The following SPIRE2 variants were observed in gnomAD, a reference collection of about 807,000 sequenced individuals.
SPIRE2 encodes spire type actin nucleation factor 2.
SPIRE2 carries 76 observed loss-of-function variants against 80.7 expected under a neutral mutation model. That is an observed-to-expected ratio of 0.94 (90% confidence interval 0.78 to 1.14). The LOEUF is 1.14. SPIRE2 is among the 50% of genes most tolerant of loss of function. The pLI is 0.00. For synonymous variants in SPIRE2, 535 were observed against 432.6 expected (o/e 1.24, Z -2.94); for missense variants, 1,196 against 1,015.3 (o/e 1.18, Z -2.42).
intron 1 of SPIRE2, chr16:89,836,568 A>G (rs556285180): frequency 5.0e-6 from 1 of 198,156 alleles, no homozygotes; most frequent in African/African-American, 2.3e-5. Context: ...GTTTGTTTAT[A>G]GTTGTTTCTT....
intron 2 of SPIRE2, among the ~76,000 whole-genome samples, chr16:89,847,764 C>G (rs1178901285): frequency 2.6e-5 from 4 of 152,168 alleles, no homozygotes; most frequent in Admixed American, 2.0e-4. Flanking sequence ...GGCTGCCTGC[C>G]CAGAATTTTC....
chr16:89,866,597 GA>G (rs199749764), intron 12 of SPIRE2, among the ~76,000 whole-genome samples: 8 of 122,002 alleles, frequency 6.6e-5, no homozygotes, highest in East Asian at 6.0e-4. Context: ...GCCCAGCCTT[GA>G]ATTTTTTTTT....
chr16:89,855,770 T>G, intron 6 of SPIRE2, 84 bp downstream of exon 6: 1 of 1,385,806 alleles, frequency 7.2e-7, no homozygotes, highest in East Asian at 2.4e-5. Context: ...TCCCAGCACG[T>G]CTTCCTGTGG....
chr16:89,837,834 C>T (rs567458882), intron 1 of SPIRE2, among the ~76,000 whole-genome samples: 73 of 152,296 alleles, frequency 4.8e-4, no homozygotes, highest in African/African-American at 1.7e-3. Context: ...CAGCCACCGC[C>T]CTCTGAGACG....
chr16:89,861,431 C>G (rs1393562683), intron 10 of SPIRE2, among the ~76,000 whole-genome samples: 1 of 152,192 alleles, frequency 6.6e-6, no homozygotes, highest in East Asian at 1.9e-4. Context: ...GAACTATGAG[C>G]CTTATATAAA....
chr16:89,868,065 C>T (rs983515175), intron 12 of SPIRE2, 124 bp from the exon 13 acceptor site: 3 of 1,045,338 alleles, frequency 2.9e-6, no homozygotes, highest in African/African-American at 1.6e-5. Flanking sequence ...CTGAAGTAAC[C>T]AAGCATCAGG....
At chr16:89,865,004 C>CTTTT (rs398042284) in intron 12 of SPIRE2, among the ~76,000 whole-genome samples, 7 of 125,360 alleles carry the variant, frequency 5.6e-5, no homozygotes, top group Non-Finnish European at 8.4e-5. Flanking sequence ...ACTTTTTTTC[C>CTTTT]TTTTTTTTTT....
intron 1 of SPIRE2, among the ~76,000 whole-genome samples, chr16:89,844,705 C>T (rs112995013): frequency 5.3e-5 from 8 of 152,116 alleles, no homozygotes; most frequent in Admixed American, 2.6e-4. Context: ...CCCAAAGTGC[C>T]GGGATTACAG....
chr16:89,867,747 A>T (rs757286207), intron 12 of SPIRE2, among the ~76,000 whole-genome samples: 1 of 151,556 alleles, frequency 6.6e-6, no homozygotes, highest in Non-Finnish European at 1.5e-5. Context: ...GCCACGCCCA[A>T]CTCATTTTTG....
Position 89,850,614 on chromosome 16 carries a change from C to CT in SPIRE2, c.599_600insT (p.Leu201AlafsTer129). 1 of 1,515,450 alleles carries CT rather than the reference C, an allele frequency of 6.6e-7. No individual in the cohort carries two copies. The highest frequency in any genetic ancestry group is 2.2e-4 in the Middle Eastern group (1 of 4,622). The allele number at this position is 1,515,450 out of a possible 1,614,324, so 93.9% of individuals were successfully genotyped here. ...GTGTGCCGCGCGCTCTTCGTGGAGA[C>CT]GCTGGAGCTGCGGGCCTTCCTGGCC... On this transcript the variant is annotated frameshift_variant, in exon 3 of 15. Coordinates refer to ENST00000378247, the MANE Select transcript of SPIRE2 (RefSeq NM_032451.2). LOFTEE classifies it high-confidence loss of function.
chr16:89,856,708 C>T (rs866594894), intron 7 of SPIRE2, among the ~76,000 whole-genome samples: 1 of 150,596 alleles, frequency 6.6e-6, no homozygotes, highest in Non-Finnish European at 1.5e-5. Context: ...GATCTGCCTG[C>T]CTTGGCCTCC....
chr16:89,851,890 C>T (rs539639868), intron 3 of SPIRE2, among the ~76,000 whole-genome samples: 6 of 152,192 alleles, frequency 3.9e-5, no homozygotes, highest in South Asian at 2.1e-4. Context: ...GTCCTCTAAC[C>T]GAGGAAGGTT....
At chr16:89,845,578 G>A (rs549846246) in intron 2 of SPIRE2, 21 of 704,616 alleles carry the variant, frequency 3.0e-5, no homozygotes, top group East Asian at 2.9e-4. Flanking sequence ...GAGGGTCCCC[G>A]TGGTGCTTCC....
chr16:89,844,771 C>T (rs1358005364), intron 1 of SPIRE2, among the ~76,000 whole-genome samples: 1 of 152,172 alleles, frequency 6.6e-6, no homozygotes, highest in Non-Finnish European at 1.5e-5. Flanking sequence ...TTTGTAGCCA[C>T]AGGGGCTTAC....
At position 89,845,360 on chromosome 16, in the gene SPIRE2, G is replaced by A. The variant is rs1199555564; in HGVS notation, c.283G>A (p.Ala95Thr). 2 of 1,613,906 alleles carry A rather than the reference G, an allele frequency of 1.2e-6. No homozygotes were observed. Among genetic ancestry groups the A allele is most frequent in the South Asian group, 1.1e-5 (1 of 91,092 alleles). ...TMVVPLASSEAQTVQSLGFAI... is the reference protein window; with the variant it reads ...TMVVPLASSETQTVQSLGFAI... ...GGTCGTGCCACTAGCCAGCTCGGAA[G>A]CCCAGGTACTTTTTAAAAAATTCCA... is the stretch of plus-strand genomic sequence containing the variant. Residue 95 changes from alanine to threonine, a missense_variant, in exon 2 of 15, where the codon GCC becomes ACC. Coordinates refer to ENST00000378247, the MANE Select transcript of SPIRE2 (RefSeq NM_032451.2).
Position 89,855,667 on chromosome 16 carries a change from C to T in SPIRE2, c.959C>T (p.Ser320Leu). 6.2e-7 allele frequency: 1 copy of T among 1,612,802 alleles called. No homozygotes were observed. Among genetic ancestry groups the T allele is most frequent in the Non-Finnish European group, 8.5e-7 (1 of 1,179,912 alleles). ...GAGCTCATCCTGGACTTTATCCGCTCACGGCCTCCACTGAAGCAGGTGCTG... is the reference window on the plus strand; with the variant it reads ...GAGCTCATCCTGGACTTTATCCGCTTACGGCCTCCACTGAAGCAGGTGCTG... ...AHELILDFIR[S>L]RPPLKQVSER... Residue 320 changes from serine to leucine, a missense_variant, in exon 6 of 15, where the codon TCA becomes TTA. Coordinates refer to ENST00000378247, the MANE Select transcript of SPIRE2 (RefSeq NM_032451.2).
At position 89,838,156 on chromosome 16, in the gene SPIRE2, C is replaced by T. The variant is rs544669699; in HGVS notation, c.245-7166C>T. 2.1e-4 allele frequency among the ~76,000 whole-genome samples: 31 copies of T among 148,362 alleles called. No homozygotes were observed. The South Asian group carries it at 4.8e-3, about 23-fold the overall frequency. ...CTGGGACCACAGGCACACACCACCA[C>T]GCTCAGCATTTTTTTTTTTTTTTTT... On this transcript the variant is annotated intron_variant, in intron 1 of 14. Coordinates refer to ENST00000378247, the MANE Select transcript of SPIRE2 (RefSeq NM_032451.2).
rs559151416 is a variant in SPIRE2 at position 89,863,320 on chromosome 16, T to C, written c.1576-156T>C. On this transcript the variant is annotated intron_variant, in intron 10 of 14. Coordinates refer to ENST00000378247, the MANE Select transcript of SPIRE2 (RefSeq NM_032451.2). This position sits in a 1 kb window ranked among gnomAD's most constrained non-coding sequence, Gnocchi z 4.3. The stretch of plus-strand genomic sequence containing the variant: ...GCAGGGCCCATCAAAGACATGGGGA[T>C]GGATGGCTGATGGACAAGATGGCTG... The C allele has an allele frequency of 1.6e-5, 13 of 790,242 alleles. No individual in the cohort carries two copies. The highest frequency in any genetic ancestry group is 2.6e-5 in the Non-Finnish European group (13 of 507,386). The allele number at this position is 790,242 out of a possible 1,614,324, so 49.0% of individuals were successfully genotyped here.
Position 89,828,721 on chromosome 16 carries a change from G to A in SPIRE2, c.171G>A (p.Arg57=). ...GCGGGCTGCGGGGCTCGCCGGGCCGGCGCCTGCGGGATACCGGGGACCTCC... is the reference window on the plus strand; with the variant it reads ...GCGGGCTGCGGGGCTCGCCGGGCCGACGCCTGCGGGATACCGGGGACCTCC... ...GCRGLRGSPG[R]RLRDTGDLLL... Residue 57 remains arginine (R), a synonymous_variant, in exon 1 of 15, where the codon CGG becomes CGA. Coordinates refer to ENST00000378247, the MANE Select transcript of SPIRE2 (RefSeq NM_032451.2). This position sits in a 1 kb window ranked among gnomAD's most constrained non-coding sequence, Gnocchi z 5.9. The A allele has an allele frequency of 8.0e-7, 1 of 1,254,620 alleles. No individual in the cohort carries two copies. Among genetic ancestry groups the A allele is most frequent in the Non-Finnish European group, 1.0e-6 (1 of 996,378 alleles). The allele number at this position is 1,254,620 out of a possible 1,614,324, so 77.7% of individuals were successfully genotyped here. A position where few individuals can be genotyped will look rare whatever the true frequency, so the allele number is the denominator to read the frequency against.
Sources: allele counts gnomAD v4.1 joint callset (sites outside exome capture counted in the v4.1 genomes callset), GRCh38; gene constraint gnomAD v4.1.1; non-coding constraint Gnocchi (gnomAD v3.1); transcripts MANE v1.5; gene names NCBI Gene and HGNC (gene_info 2026-07-23, HGNC 2026-07-21).